SLC25A29: variants seen among roughly 807,000 people sequenced by gnomAD.
SLC25A29 encodes solute carrier family 25 member 29.
In SLC25A29, 13 loss-of-function variants were observed where a neutral mutation model predicts 10.0. The ratio of observed to expected loss-of-function variants is 1.30; its 90% CI spans 0.85 to 2.07. The LOEUF is 2.07. Ranked by LOEUF, SLC25A29 falls within the 30% of genes most tolerant of loss-of-function variation. The pLI is 0.00. For missense variants in SLC25A29, 475 were observed against 447.6 expected (o/e 1.06, Z -0.55); for synonymous variants, 244 against 221.1 (o/e 1.10, Z -0.92).
the SLC25A29 span, chr14:100,281,248 C>T: frequency 6.6e-6 from 1 of 151,890 alleles, no homozygotes; most frequent in Non-Finnish European, 1.5e-5. Context: ...AATAATCCTT[C>T]TATTTTCTTG....
In SLC25A29 at chr14:100,292,829, C is replaced by A. The variant is rs1566795353; in HGVS notation, c.366G>T (p.Leu122=). 6.3e-7 allele frequency: 1 copy of A among 1,591,648 alleles called. No individual in the cohort carries two copies. The highest frequency in any genetic ancestry group is 2.3e-5 in the East Asian group (1 of 43,840). Residue 122 remains leucine (L), a synonymous_variant, in exon 4 of 4, where the codon CTG becomes CTT. Coordinates refer to ENST00000359232, the MANE Select transcript of SLC25A29 (RefSeq NM_001039355.3). ...PMELAKTRLQ[L]QDAGPARTYK... The stretch of plus-strand genomic sequence containing the variant: ...AGGTGCGCGCTGGGCCCGCGTCCTG[C>A]AGCTGCAGCCGCGTCTTGGCCAGCT...
chr14:100,293,138 G>A, intron 3 of SLC25A29, 106 bp from the exon 4 acceptor site: 1 of 1,458,650 alleles, frequency 6.9e-7, no homozygotes, highest in East Asian at 2.5e-5. Context: ...AGGGGCTCCT[G>A]AGGACCAAGC....
intron 1 of SLC25A29, among the ~76,000 whole-genome samples, chr14:100,302,792 C>G (rs989121664): frequency 6.7e-6 from 1 of 148,922 alleles, no homozygotes; most frequent in African/African-American, 2.5e-5. Context: ...TTTTTTTTCT[C>G]CTTTGTCAAT....
intron 1 of SLC25A29, among the ~76,000 whole-genome samples, chr14:100,302,362 CTTTT>C (rs74643943): frequency 1.5e-5 from 2 of 134,080 alleles, no homozygotes; most frequent in Non-Finnish European, 3.2e-5. Flanking sequence ...CTATTTCTTT[CTTTT>C]TTTTTTTTTT....
At position 100,292,405 on chromosome 14, in the gene SLC25A29, C is replaced by A; in HGVS notation, c.790G>T (p.Ala264Ser). 2 of 1,574,404 alleles carry A rather than the reference C, an allele frequency of 1.3e-6. No individual in the cohort carries two copies. The highest frequency in any genetic ancestry group is 8.6e-7 in the Non-Finnish European group (1 of 1,163,094). ...ACCACCGTGACGGTGGCGAAGGTGG[C>A]AGCGTTGACGGGGAAGGCGCGCAGC... ...TLLRAFPVNAATFATVTVVLT... is the reference protein window; with the variant it reads ...TLLRAFPVNASTFATVTVVLT... Residue 264 changes from alanine to serine, a missense_variant, in exon 4 of 4, where the codon GCC becomes TCC. Physicochemically the swap from Ala to Ser is moderately conservative, Grantham distance 99. Transcript: ENST00000359232.
chr14:100,299,425 C>T (rs1892393495), intron 1 of SLC25A29: 1 of 995,156 alleles, frequency 1.0e-6, no homozygotes, highest in Admixed American at 5.4e-5. Context: ...GGAGACTGAA[C>T]AGGGTAATGG....
intron 2 of SLC25A29, chr14:100,293,791 C>A: frequency 5.9e-6 from 1 of 170,224 alleles, no homozygotes; most frequent in Non-Finnish European, 1.3e-5. Flanking sequence ...CCTAATGTCC[C>A]ATCAGAGACT....
chr14:100,280,396 A>C, the SLC25A29 span: 1 of 152,204 alleles, frequency 6.6e-6, no homozygotes, highest in African/African-American at 2.4e-5. Flanking sequence ...TTTACACTTA[A>C]CAAGATGTTG....
In SLC25A29 at chr14:100,306,406, C is replaced by A. The variant is rs959594427; in HGVS notation, c.-174G>T. The A allele has an allele frequency of 6.2e-6, 3 of 484,722 alleles. No homozygotes were observed. Among genetic ancestry groups the A allele is most frequent in the African/African-American group, 6.1e-5 (3 of 49,488 alleles). 30.0% of individuals were successfully genotyped at this position (484,722 alleles called of 1,614,324 possible). A position where few individuals can be genotyped will look rare whatever the true frequency, so the allele number is the denominator to read the frequency against. On this transcript the variant is annotated 5_prime_UTR_variant, in exon 1 of 4. Transcript: ENST00000359232. The stretch of plus-strand genomic sequence containing the variant: ...GGGATGGTGGGGATGGCGGCAGCAG[C>A]TAGACCCGCGCTGGTCCCTCGGCGG...
intron 1 of SLC25A29, chr14:100,299,994 G>C (rs1394571774): frequency 5.1e-6 from 5 of 985,186 alleles, no homozygotes; most frequent in Non-Finnish European, 6.0e-6. Flanking sequence ...GACCTGGCCA[G>C]GTGTGGTGGC....
Position 100,303,754 on chromosome 14 carries a change from C to T in SLC25A29, c.34+2445G>A, listed in dbSNP as rs186270518. Among the ~76,000 whole-genome samples, 71 of 142,344 alleles carry T rather than the reference C, an allele frequency of 5.0e-4. 1 individual carries two copies. In the East Asian group the frequency reaches 0.016, roughly 32 times the overall value. The allele number at this position is 142,344 out of a possible 152,430, so 93.4% of individuals were successfully genotyped here. ...CTACTGTCCTCCCTAAGCTGGGCTC[C>T]GGAGGCAATCCCCAACCAGTAGTCC... On this transcript the variant is annotated intron_variant, in intron 1 of 3. Transcript: ENST00000359232.
At chr14:100,283,092 G>C in the SLC25A29 span, among the ~76,000 whole-genome samples, 2 of 152,204 alleles carry the variant, frequency 1.3e-5, no homozygotes, top group Admixed American at 6.5e-5. Flanking sequence ...CACGCAGCCG[G>C]ACCTATGAGC....
At chr14:100,290,371 CGA>C (rs1264615346), downstream of SLC25A29, among the ~76,000 whole-genome samples, 5 of 152,232 alleles carry the variant, frequency 3.3e-5, no homozygotes, top group Non-Finnish European at 5.9e-5. Context: ...TAAAGAGAAG[CGA>C]GAGAGGCCAG....
intron 1 of SLC25A29, among the ~76,000 whole-genome samples, chr14:100,300,194 C>A (rs1892448075): frequency 6.6e-6 from 1 of 152,176 alleles, no homozygotes; most frequent in Admixed American, 6.5e-5. Context: ...TTGCTTGAAT[C>A]CAGGAGGCAG....
At position 100,306,290 on chromosome 14, in the gene SLC25A29, CG is replaced by C; in HGVS notation, c.-59del. 1.5e-6 allele frequency: 2 copies of C among 1,336,364 alleles called. No individual in the cohort carries two copies. The highest frequency in any genetic ancestry group is 4.2e-5 in the South Asian group (2 of 47,496). The allele number at this position is 1,336,364 out of a possible 1,614,324, so 82.8% of individuals were successfully genotyped here. The stretch of plus-strand genomic sequence containing the variant: ...TCGTCCTCCCCCTGAGGCCCCTCGC[CG>C]GGCTGGGCGCCGTCGGGGTCCCCGA... On this transcript the variant is annotated 5_prime_UTR_variant, in exon 1 of 4. Transcript: ENST00000359232.
chr14:100,293,607 G>T (rs1891935830), intron 2 of SLC25A29: 2 of 564,248 alleles, frequency 3.5e-6, no homozygotes, highest in Non-Finnish European at 6.4e-6. Flanking sequence ...CAGGGTAGGG[G>T]GTCCCCAAGA....
chr14:100,281,215 C>T, the SLC25A29 span: 1 of 151,240 alleles, frequency 6.6e-6, no homozygotes, highest in Non-Finnish European at 1.5e-5. Flanking sequence ...TGTTGTTGAT[C>T]TTTAATTATT....
rs1387941883 is a variant in SLC25A29 at position 100,293,040 on chromosome 14, G to A, written c.163-8C>T. 6.6e-6 allele frequency: 10 copies of A among 1,524,814 alleles called. No individual in the cohort carries two copies. In the East Asian group the frequency reaches 9.2e-5, roughly 14 times the overall value. The allele number at this position is 1,524,814 out of a possible 1,614,324, so 94.5% of individuals were successfully genotyped here. On this transcript the variant is annotated splice_region_variant and splice_polypyrimidine_tract_variant and intron_variant, in intron 3 of 3. Coordinates refer to ENST00000359232, the MANE Select transcript of SLC25A29 (RefSeq NM_001039355.3). ...CTTGTACAGGCCCAGCACCTGCGGG[G>A]ACAGAGACGCCATCAGAGCCGGCAA...
At chr14:100,297,538 A>G (rs1892250840) in intron 2 of SLC25A29, among the ~76,000 whole-genome samples, 1 of 152,204 alleles carries the variant, frequency 6.6e-6, no homozygotes, top group Non-Finnish European at 1.5e-5. Context: ...ACATAAACAC[A>G]GTGCAACGTG....
Sources: allele counts gnomAD v4.1 joint callset (sites outside exome capture counted in the v4.1 genomes callset), GRCh38; gene constraint gnomAD v4.1.1; transcripts MANE v1.5; gene names NCBI Gene and HGNC (gene_info 2026-07-23, HGNC 2026-07-21).